Variants in WRN observed in about 807,000 individuals in gnomAD.
WRN encodes the protein bifunctional 3'-5' exonuclease/ATP-dependent helicase WRN.
In WRN, 149 loss-of-function variants were observed where a neutral mutation model predicts 180.7. The observed-to-expected ratio is 0.82, with a 90% confidence interval of 0.72 to 0.94. The LOEUF is 0.94. WRN is among the 40% of genes least tolerant of loss of function. WRN has a pLI of 0.00. For synonymous variants in WRN, 548 were observed against 568.9 expected (o/e 0.96, Z 0.52); for missense variants, 1,661 against 1,700.1 (o/e 0.98, Z 0.40).
chr8:31,169,540 A>T (rs1804026369), intron 34 of WRN, among the ~76,000 whole-genome samples: 2 of 152,176 alleles, frequency 1.3e-5, no homozygotes, highest in South Asian at 4.2e-4. Context: ...CTACAGTTTT[A>T]TTCTGTACCT....
chr8:31,125,971 A>AATATATATATATATATATATATATAT (rs55952524), intron 23 of WRN, among the ~76,000 whole-genome samples: 48 of 145,640 alleles, frequency 3.3e-4, no homozygotes, highest in African/African-American at 1.2e-3. Context: ...CATCATCCTA[A>AATATATATATATATATATATATATAT]ATATATATAT....
chr8:31,149,269 T>C (rs1002855988), intron 30 of WRN, among the ~76,000 whole-genome samples: 2 of 151,078 alleles, frequency 1.3e-5, no homozygotes, highest in Non-Finnish European at 3.0e-5. Context: ...TGGTGGCGGG[T>C]GCCTGTAGTC....
chr8:31,159,920 G>A (rs1424206658), intron 33 of WRN, among the ~76,000 whole-genome samples: 1 of 146,728 alleles, frequency 6.8e-6, no homozygotes, highest in African/African-American at 2.6e-5. Context: ...ACTTCAGCCT[G>A]GGTGACAGAG....
intron 7 of WRN, among the ~76,000 whole-genome samples, chr8:31,069,058 G>A (rs777974029): frequency 1.8e-4 from 27 of 152,334 alleles, no homozygotes; most frequent in Non-Finnish European, 3.2e-4. Flanking sequence ...TAGAATAATT[G>A]TGAAGACTTA....
In WRN at chr8:31,096,827, T is replaced by C. The variant is rs781109286; in HGVS notation, c.1958T>C (p.Leu653Pro). The C allele has an allele frequency of 8.7e-6, 14 of 1,613,602 alleles. 1 individual carries two copies. Among genetic ancestry groups the C allele is most frequent in the Middle Eastern group, 1.7e-4 (1 of 6,058 alleles). The change falls in exon 17 of 35, where the codon CTC becomes CCC. Residue 653 changes from leucine to proline, a missense_variant. By Grantham distance (98) the Leu-to-Pro change is moderately conservative. Around this residue, in one of 3 missense-constraint regions of WRN, gnomAD observed 1,141 missense variants for 1,149.4 expected, o/e 0.99. Transcript: ENST00000298139. ...PEYCSGNMGL[L>P]QQLEADIGIT... Reference sequence around the variant, plus strand: ...TACTGTTCAGGTAACATGGGCCTGCTCCAGCAACTTGAGGCTGATATTGGT... The same window carrying C: ...TACTGTTCAGGTAACATGGGCCTGCCCCAGCAACTTGAGGCTGATATTGGT...
chr8:31,125,537 G>GAGATATATATATATATAT (rs1365119717), intron 23 of WRN, among the ~76,000 whole-genome samples: 16 of 63,764 alleles, frequency 2.5e-4, no homozygotes, highest in South Asian at 1.1e-3. Flanking sequence ...ATATTATGGA[G>GAGATATATATATATATAT]ATATATATAT....
intron 34 of WRN, among the ~76,000 whole-genome samples, chr8:31,169,592 T>A (rs1367124494): frequency 1.3e-5 from 2 of 152,206 alleles, no homozygotes; most frequent in African/African-American, 4.8e-5. Context: ...CTTGATACTT[T>A]TCTTTTGCTC....
In WRN at chr8:31,068,204, G is replaced by A. The variant is rs904862284; in HGVS notation, c.655-54G>A. 5.1e-5 allele frequency: 69 copies of A among 1,356,574 alleles called. No homozygotes were observed. The African/African-American group carries it at 6.2e-4, about 12-fold the overall frequency. 84.0% of individuals were successfully genotyped at this position (1,356,574 alleles called of 1,614,324 possible). ...GATTTTTCTGAAGATGGGACTTACT[G>A]TTTTATTTCGGTGATCTTTAGCATA... On this transcript the variant is annotated intron_variant, in intron 6 of 34. Transcript: ENST00000298139.
intron 26 of WRN, 95 bp from the exon 27 acceptor site, chr8:31,142,531 A>G: frequency 1.0e-6 from 1 of 976,650 alleles, no homozygotes; most frequent in Non-Finnish European, 1.5e-6. Context: ...AAAGGGTAAT[A>G]TCTTATTCAT....
At chr8:31,116,577 A>G (rs758591796) in intron 20 of WRN, 49 bp downstream of exon 20, 5 of 1,605,342 alleles carry the variant, frequency 3.1e-6, no homozygotes, top group East Asian at 2.2e-5. Flanking sequence ...GTGGAAGTGG[A>G]TATTTCTCAA....
At chr8:31,074,160 C>T (rs997800344) in intron 7 of WRN, among the ~76,000 whole-genome samples, 37 of 151,616 alleles carry the variant, frequency 2.4e-4, no homozygotes, top group Non-Finnish European at 4.9e-4. Flanking sequence ...CTCCTGACCT[C>T]GTGATCCACC....
intron 23 of WRN, among the ~76,000 whole-genome samples, chr8:31,127,108 A>T (rs919258750): frequency 1.3e-5 from 2 of 152,242 alleles, no homozygotes; most frequent in African/African-American, 4.8e-5. Flanking sequence ...AAAATCCCCT[A>T]GCCCAAAGAA....
chr8:31,090,648 C>T, intron 14 of WRN, 116 bp downstream of exon 14: 1 of 1,192,772 alleles, frequency 8.4e-7, no homozygotes, highest in Admixed American at 2.1e-5. Context: ...ATGATGTAAA[C>T]TATAGAAGAG....
At chr8:31,037,155 G>C (rs1261646496) in intron 1 of WRN, among the ~76,000 whole-genome samples, 1 of 152,192 alleles carries the variant, frequency 6.6e-6, no homozygotes, top group Non-Finnish European at 1.5e-5. Context: ...TGAAACTTGA[G>C]GGTCCTATCT....
chr8:31,067,107 G>A lies in WRN; in HGVS notation c.579G>A (p.Lys193=), dbSNP rs764227749. The A allele has an allele frequency of 1.7e-5, 27 of 1,613,816 alleles. No individual in the cohort carries two copies. Among genetic ancestry groups the A allele is most frequent in the Admixed American group, 3.3e-5 (2 of 60,006 alleles). Residue 193 remains lysine, a synonymous_variant, in exon 6 of 35, where the codon AAG becomes AAA. Coordinates refer to ENST00000298139, the MANE Select transcript of WRN (RefSeq NM_000553.6). ...TAGGTAAACAGCTCCTGAAAGACAA[G>A]TCTATCCGCTGTAGCAATTGGAGTA... ...HLLGKQLLKD[K]SIRCSNWSKF... is the part of the protein sequence containing the mutation.
chr8:31,117,962 A>G (rs1343885343), intron 20 of WRN, among the ~76,000 whole-genome samples: 2 of 152,170 alleles, frequency 1.3e-5, no homozygotes, highest in Non-Finnish European at 1.5e-5. Flanking sequence ...ATTAGCTACT[A>G]CTGGTACTAC....
At chr8:31,126,739 GCATT>G (rs1385791255) in intron 23 of WRN, among the ~76,000 whole-genome samples, 2 of 152,092 alleles carry the variant, frequency 1.3e-5, no homozygotes, top group Non-Finnish European at 2.9e-5. Flanking sequence ...GCAGCATGCA[GCATT>G]CATTGTCAGT....
intron 32 of WRN, 97 bp from the exon 33 acceptor site, chr8:31,157,271 C>G: frequency 6.5e-7 from 1 of 1,533,394 alleles, no homozygotes; most frequent in Non-Finnish European, 8.9e-7. Flanking sequence ...TTATTTCACA[C>G]TGAGCATTTA....
chr8:31,068,689 A>T (rs1256989612), intron 7 of WRN, among the ~76,000 whole-genome samples: 4 of 152,362 alleles, frequency 2.6e-5, no homozygotes, highest in Non-Finnish European at 4.4e-5. Context: ...AACATGTAAG[A>T]TGGCTTATCC....
Sources: allele counts gnomAD v4.1 joint callset (sites outside exome capture counted in the v4.1 genomes callset), GRCh38; gene constraint gnomAD v4.1.1; regional missense constraint gnomAD v4.1.1; transcripts MANE v1.5; gene names NCBI Gene and HGNC (gene_info 2026-07-23, HGNC 2026-07-21).